The following EGFR variants were observed in gnomAD, a reference collection of about 807,000 sequenced individuals.
EGFR encodes epidermal growth factor receptor.
In EGFR, 58 loss-of-function variants were observed where a neutral mutation model predicts 143.0. The observed-to-expected ratio is 0.41, with a 90% confidence interval of 0.33 to 0.50. The LOEUF (loss-of-function observed/expected upper bound fraction) is 0.50, where lower values mean the gene tolerates loss of function less well. EGFR is among the 20% of genes least tolerant of loss of function. The pLI, the probability that EGFR is intolerant of heterozygous loss-of-function variation, is 0.39. For synonymous variants in EGFR, 613 were observed against 594.4 expected (o/e 1.03, Z -0.45); for missense variants, 1,307 against 1,579.0 (o/e 0.83, Z 2.92).
intron 14 of EGFR, among the ~76,000 whole-genome samples, chr7:55,164,298 A>G (rs532884906): frequency 1.3e-5 from 2 of 152,364 alleles, no homozygotes; most frequent in African/African-American, 4.8e-5. Context: ...TTTAAAGAAT[A>G]TGAGTGAGAA....
intron 15 of EGFR, chr7:55,170,576 CT>C: frequency 1.2e-6 from 2 of 1,610,480 alleles, no homozygotes; most frequent in Non-Finnish European, 1.7e-6. Flanking sequence ...GTTCCCCCCG[CT>C]TTTCCTTTCT....
chr7:55,047,821 T>G (rs150493031), intron 1 of EGFR, among the ~76,000 whole-genome samples: 43 of 152,218 alleles, frequency 2.8e-4, no homozygotes, highest in Non-Finnish European at 5.1e-4. Flanking sequence ...CTAACCACAT[T>G]TCATGACACG....
At chr7:55,096,779 G>A (rs933999314) in intron 1 of EGFR, among the ~76,000 whole-genome samples, 2 of 152,196 alleles carry the variant, frequency 1.3e-5, no homozygotes, top group African/African-American at 4.8e-5. Flanking sequence ...GCCCCTGCCA[G>A]CTTGCAGGGG....
At chr7:55,156,138 G>C (rs1016113226) in intron 8 of EGFR, among the ~76,000 whole-genome samples, 192 bp downstream of exon 8, 1 of 152,212 alleles carries the variant, frequency 6.6e-6, no homozygotes, top group African/African-American at 2.4e-5. Context: ...GTGACGGGGT[G>C]GGGGGCTCTG....
chr7:55,170,783 G>A, intron 15 of EGFR: 2 of 1,435,468 alleles, frequency 1.4e-6, no homozygotes, highest in Non-Finnish European at 1.8e-6. Flanking sequence ...CATGCTGCCA[G>A]CCTTCTCCGT....
At chr7:55,162,232 G>A (rs569375748) in intron 13 of EGFR, among the ~76,000 whole-genome samples, 163 of 152,360 alleles carry the variant, frequency 1.1e-3, no homozygotes, top group South Asian at 3.5e-3. Flanking sequence ...AACGACAAAT[G>A]AGGACAAAAC....
At chr7:55,173,575 A>G (rs902248603) in intron 17 of EGFR, among the ~76,000 whole-genome samples, 3 of 152,254 alleles carry the variant, frequency 2.0e-5, no homozygotes, top group Non-Finnish European at 4.4e-5. Flanking sequence ...TCATAAGCAT[A>G]AGCGCGTGTG....
intron 18 of EGFR, 86 bp downstream of exon 18, chr7:55,174,129 A>G (rs1786485886): frequency 6.4e-7 from 1 of 1,566,628 alleles, no homozygotes; most frequent in Admixed American, 1.8e-5. Context: ...CAAGCTGTAT[A>G]TTTCCATCAT....
chr7:55,176,698 G>A (rs1354821771), intron 19 of EGFR, among the ~76,000 whole-genome samples: 7 of 151,422 alleles, frequency 4.6e-5, no homozygotes, highest in African/African-American at 1.7e-4. Context: ...GGGTGACAAA[G>A]CAAGACCCTG....
chr7:55,141,375 C>T (rs994881268), intron 1 of EGFR, among the ~76,000 whole-genome samples: 7 of 152,118 alleles, frequency 4.6e-5, no homozygotes, highest in African/African-American at 2.4e-5. Context: ...TATGGTCCAA[C>T]TTTGTCCCTT....
At chr7:55,087,290 A>AAAC (rs1355124774) in intron 1 of EGFR, among the ~76,000 whole-genome samples, 3 of 151,510 alleles carry the variant, frequency 2.0e-5, no homozygotes, top group East Asian at 1.9e-4. Flanking sequence ...AAAACAAAAA[A>AAAC]AAAAAAACCT....
At chr7:55,130,012 G>A (rs796903018) in intron 1 of EGFR, among the ~76,000 whole-genome samples, 23 of 152,292 alleles carry the variant, frequency 1.5e-4, no homozygotes, top group Non-Finnish European at 2.1e-4. Context: ...CTGTGGCTGC[G>A]TTCACACTAT....
At chr7:55,030,367 C>T (rs1182730608) in intron 1 of EGFR, among the ~76,000 whole-genome samples, 1 of 152,168 alleles carries the variant, frequency 6.6e-6, no homozygotes, top group Admixed American at 6.5e-5. Flanking sequence ...GTTTTGGTTC[C>T]TTTCCCAGGT....
chr7:55,049,297 G>T (rs2128873187), intron 1 of EGFR, among the ~76,000 whole-genome samples: 1 of 152,254 alleles, frequency 6.6e-6, no homozygotes, highest in African/African-American at 2.4e-5. Context: ...AAGAGAATTT[G>T]AATATAACTT....
At position 55,161,526 on chromosome 7, in the gene EGFR, T is replaced by G; in HGVS notation, c.1526T>G (p.Leu509Trp). The G allele has an allele frequency of 6.2e-7, 1 of 1,614,220 alleles. No individual in the cohort carries two copies. The highest frequency in any genetic ancestry group is 8.5e-7 in the Non-Finnish European group (1 of 1,180,042). ...CKATGQVCHA[L>W]CSPEGCWGPE... ...GCCACAGGCCAGGTCTGCCATGCCTTGTGCTCCCCCGAGGGCTGCTGGGGC... is the reference window on the plus strand; with the variant it reads ...GCCACAGGCCAGGTCTGCCATGCCTGGTGCTCCCCCGAGGGCTGCTGGGGC... The change falls in exon 13 of 28, where the codon TTG (leucine) becomes TGG (tryptophan). Residue 509 changes from leucine (L) to tryptophan (W), a missense_variant. Physicochemically the swap from Leu to Trp is moderately conservative, Grantham distance 61. This residue lies in a region of EGFR where 250 missense variants were observed against 295.1 expected (regional missense o/e 0.85). Coordinates refer to ENST00000275493, the MANE Select transcript of EGFR (RefSeq NM_005228.5).
chr7:55,039,871 C>T (rs1386415027), intron 1 of EGFR, among the ~76,000 whole-genome samples: 1 of 152,190 alleles, frequency 6.6e-6, no homozygotes, highest in Non-Finnish European at 1.5e-5. Context: ...ATGGGGTCCT[C>T]TTTGAGTTTC....
rs1160948965 is a variant in EGFR, at chr7:55,166,750, TTGA to T, written c.1880+1316_1880+1318del. ...CACAATGGTGGTAGTGATGATGGTG[TTGA>T]TGGTGGTGAGGAGGTGAGAGTCACA... On this transcript the variant is annotated intron_variant, in intron 15 of 27. Coordinates refer to ENST00000275493, the MANE Select transcript of EGFR (RefSeq NM_005228.5). Among the ~76,000 whole-genome samples, 14 of 98,600 alleles carry T rather than the reference TTGA, an allele frequency of 1.4e-4. 2 individuals are homozygous for T. Among genetic ancestry groups the T allele is most frequent in the Admixed American group, 6.7e-4 (7 of 10,480 alleles). The allele number at this position is 98,600 out of a possible 152,430, so 64.7% of individuals were successfully genotyped here.
intron 19 of EGFR, among the ~76,000 whole-genome samples, chr7:55,178,789 C>G (rs1039072907): frequency 6.6e-6 from 1 of 152,238 alleles, no homozygotes; most frequent in Non-Finnish European, 1.5e-5. Flanking sequence ...ATAACACACA[C>G]TCTCCTTGAA....
intron 27 of EGFR, among the ~76,000 whole-genome samples, chr7:55,205,054 A>C (rs1788055119): frequency 6.6e-6 from 1 of 152,152 alleles, no homozygotes; most frequent in South Asian, 2.1e-4. Flanking sequence ...AAATTTACAA[A>C]AGACACATAT....
Sources: gnomAD v4.1 joint callset for allele counts (sites outside exome capture counted in the v4.1 genomes callset) on GRCh38, gnomAD v4.1.1 for gene constraint, gnomAD v4.1.1 regional missense constraint, MANE v1.5 for transcripts, NCBI Gene and HGNC (gene_info 2026-07-23, HGNC 2026-07-21) for gene names.